TRMT11: variants seen among roughly 807,000 people sequenced by gnomAD.
TRMT11 encodes the protein tRNA (guanine(10)-N(2))-methyltransferase TRMT11.
A neutral mutation model predicts 62.8 loss-of-function variants in TRMT11; 53 were observed. The observed-to-expected ratio is 0.84, with a 90% CI of 0.68 to 1.06. The LOEUF is 1.06. TRMT11 is among the 50% of genes least tolerant of loss of function. The pLI, the probability that TRMT11 is intolerant of heterozygous loss-of-function variation, is 0.00. For missense variants in TRMT11, 556 were observed against 553.4 expected (o/e 1.00, Z -0.05); for synonymous variants, 188 against 190.3 (o/e 0.99, Z 0.10).
chr6:126,046,217 G>A (rs528274557), intron 16 of TRMT11, among the ~76,000 whole-genome samples: 283 of 152,194 alleles, frequency 1.9e-3, no homozygotes, highest in Non-Finnish European at 2.9e-3. Context: ...TGTCAATTAA[G>A]ATGAACTCCT....
At chr6:126,177,877 T>G (rs764185749) in intron 1 of TRMT11, among the ~76,000 whole-genome samples, 1 of 152,118 alleles carries the variant, frequency 6.6e-6, no homozygotes, top group Non-Finnish European at 1.5e-5. Flanking sequence ...AAGTGATCCA[T>G]CAGTTTCATT....
In TRMT11 at chr6:126,038,714, C is replaced by T. The variant is rs1415184492; in HGVS notation, c.1270C>T (p.Gln424Ter). The T allele has an allele frequency of 6.4e-7, 1 of 1,562,750 alleles. No homozygotes were observed. Among genetic ancestry groups the T allele is most frequent in the Admixed American group, 2.0e-5 (1 of 49,638 alleles). ...TTTTCCAACCAAACAGAATCGGGACCAGTATTCACATCTGCTAAGTGATCA... is the reference window on the plus strand; with the variant it reads ...TTTTCCAACCAAACAGAATCGGGACTAGTATTCACATCTGCTAAGTGATCA... Reference protein sequence around the residue: ...EKVKKFENRDQYSHLLSDHFL... With the variant: ...EKVKKFENRD The change falls in exon 13 of 13, where the codon CAG becomes TAG. Residue 424 changes from glutamine to a stop codon, truncating the protein, a stop_gained. Coordinates refer to ENST00000334379, the MANE Select transcript of TRMT11 (RefSeq NM_001031712.3). LOFTEE classifies it high-confidence loss of function.
At chr6:126,247,110 T>C in the TRMT11 span, among the ~76,000 whole-genome samples, 1 of 152,164 alleles carries the variant, frequency 6.6e-6, no homozygotes, top group Non-Finnish European at 1.5e-5. Flanking sequence ...TTCCTCGCTG[T>C]ATGGGCTTAG....
chr6:126,151,931 C>CTTTCTTTCTT (rs1778059983), intron 21 of TRMT11, among the ~76,000 whole-genome samples: 1 of 93,418 alleles, frequency 1.1e-5, no homozygotes, highest in African/African-American at 5.3e-5. Context: ...TTCTTTCTTT[C>CTTTCTTTCTT]TTTCTTTCTT....
chr6:126,268,610 C>T, the TRMT11 span, among the ~76,000 whole-genome samples: 39 of 152,218 alleles, frequency 2.6e-4, no homozygotes, highest in East Asian at 7.5e-3. Context: ...GAGACTTGAG[C>T]CTCTTTCTTT....
intron 12 of TRMT11, among the ~76,000 whole-genome samples, chr6:126,029,429 C>T (rs569309842): frequency 2.0e-5 from 3 of 152,188 alleles, no homozygotes; most frequent in African/African-American, 4.8e-5. Context: ...CTGACTGTTA[C>T]GGTAATCATA....
At chr6:126,202,581 G>A (rs1318393584), downstream of TRMT11, among the ~76,000 whole-genome samples, 2 of 152,028 alleles carry the variant, frequency 1.3e-5, no homozygotes, top group Non-Finnish European at 2.9e-5. Context: ...ATGTCTTTTG[G>A]TTGCCAAATT....
intron 16 of TRMT11, among the ~76,000 whole-genome samples, chr6:126,051,615 G>A (rs941200988): frequency 6.6e-6 from 1 of 152,158 alleles, no homozygotes; most frequent in African/African-American, 2.4e-5. Context: ...AACAGTGGTA[G>A]TAGGGATTCA....
At chr6:126,093,393 A>G (rs1404525755) in intron 17 of TRMT11, among the ~76,000 whole-genome samples, 2 of 151,146 alleles carry the variant, frequency 1.3e-5, no homozygotes, top group Non-Finnish European at 2.9e-5. Flanking sequence ...TGAAATTTTA[A>G]GGTAAATTGA....
At chr6:126,121,201 G>T (rs1050109882) in intron 21 of TRMT11, among the ~76,000 whole-genome samples, 2 of 152,024 alleles carry the variant, frequency 1.3e-5, no homozygotes, top group Admixed American at 1.3e-4. Flanking sequence ...CCCATGTCTT[G>T]CCCATCTTAG....
At chr6:126,116,065 A>G (rs1315263296) in intron 21 of TRMT11, among the ~76,000 whole-genome samples, 3 of 143,214 alleles carry the variant, frequency 2.1e-5, no homozygotes, top group East Asian at 4.0e-4. Flanking sequence ...CAAGTTTCCT[A>G]TACTAAATTG....
intron 21 of TRMT11, among the ~76,000 whole-genome samples, chr6:126,127,239 G>A (rs1777728644): frequency 6.6e-6 from 1 of 152,098 alleles, no homozygotes; most frequent in Admixed American, 6.5e-5. Context: ...GCACCCATGT[G>A]AGGAGTAGTT....
chr6:126,126,527 C>T (rs987883017), intron 21 of TRMT11, among the ~76,000 whole-genome samples: 1 of 152,094 alleles, frequency 6.6e-6, no homozygotes. Context: ...ATTGCTTCTG[C>T]CCTGTTTTCA....
chr6:126,075,221 G>T (rs1032756325), intron 17 of TRMT11, among the ~76,000 whole-genome samples: 9 of 152,142 alleles, frequency 5.9e-5, no homozygotes, highest in Non-Finnish European at 1.2e-4. Flanking sequence ...ATGTAAAGAA[G>T]TCTTTACATT....
chr6:126,124,002 T>G (rs973190475), intron 21 of TRMT11, among the ~76,000 whole-genome samples: 1 of 152,048 alleles, frequency 6.6e-6, no homozygotes, highest in Non-Finnish European at 1.5e-5. Flanking sequence ...TTAAAAATTT[T>G]TTTTCTGCTT....
At chr6:126,084,208 A>C (rs1777189100) in intron 17 of TRMT11, among the ~76,000 whole-genome samples, 1 of 152,154 alleles carries the variant, frequency 6.6e-6, no homozygotes, top group African/African-American at 2.4e-5. Flanking sequence ...CATTCCCATC[A>C]ACAGTGTATA....
At chr6:125,988,873 G>A (rs1382903792) in intron 1 of TRMT11, among the ~76,000 whole-genome samples, 1 of 152,192 alleles carries the variant, frequency 6.6e-6, no homozygotes, top group African/African-American at 2.4e-5. Flanking sequence ...CAGTATTAAT[G>A]TTTTGAGTTT....
chr6:126,230,678 G>C, the TRMT11 span, among the ~76,000 whole-genome samples: 1 of 152,108 alleles, frequency 6.6e-6, no homozygotes, highest in South Asian at 2.1e-4. Flanking sequence ...TTTTTACTAG[G>C]AGGAGAAGAT....
At chr6:126,206,266 G>T (rs1279035414), downstream of TRMT11, among the ~76,000 whole-genome samples, 21 of 152,190 alleles carry the variant, frequency 1.4e-4, no homozygotes, top group Admixed American at 1.4e-3. Flanking sequence ...CTAGGACAGT[G>T]CATCTCAAAC....
Sources: gnomAD v4.1 joint callset for allele counts (sites outside exome capture counted in the v4.1 genomes callset) on GRCh38, gnomAD v4.1.1 for gene constraint, MANE v1.5 for transcripts, NCBI Gene and HGNC (gene_info 2026-07-23, HGNC 2026-07-21) for gene names.